Variants in ANK3 observed in about 807,000 individuals in gnomAD.
ANK3 encodes the protein ankyrin 3, also known as ankyrin-3.
ANK3 carries 57 observed loss-of-function variants against 370.9 expected under a neutral mutation model. That is an observed-to-expected ratio of 0.15 (90% CI 0.12 to 0.19). The LOEUF is 0.19. Ranked by LOEUF, ANK3 falls within the 10% of genes least tolerant of loss-of-function variation. The pLI is 1.00. For missense variants in ANK3, 4,439 were observed against 5,302.1 expected (o/e 0.84, Z 5.06); for synonymous variants, 1,929 against 1,946.3 (o/e 0.99, Z 0.23).
intron 2 of ANK3, among the ~76,000 whole-genome samples, chr10:60,432,058 T>A (rs1381727727): frequency 6.6e-6 from 1 of 152,210 alleles, no homozygotes; most frequent in Non-Finnish European, 1.5e-5. Flanking sequence ...TAAACATTAT[T>A]CTGATGGCTG....
intron 1 of ANK3, among the ~76,000 whole-genome samples, chr10:60,353,646 C>T (rs1045169535): frequency 1.3e-5 from 2 of 152,172 alleles, no homozygotes; most frequent in South Asian, 2.1e-4. Flanking sequence ...AGATAACAGG[C>T]GCCATCTCTC....
At chr10:60,174,034 G>A (rs2095860851) in intron 18 of ANK3, among the ~76,000 whole-genome samples, 1 of 152,146 alleles carries the variant, frequency 6.6e-6, no homozygotes, top group African/African-American at 2.4e-5. Flanking sequence ...CTCTGAAAGG[G>A]AGAACATTGA....
chr10:60,342,879 C>T (rs1190100688), intron 1 of ANK3, among the ~76,000 whole-genome samples: 1 of 152,218 alleles, frequency 6.6e-6, no homozygotes, highest in Non-Finnish European at 1.5e-5. Context: ...ACCAATCCCT[C>T]TCTTGAAGAT....
intron 42 of ANK3, among the ~76,000 whole-genome samples, chr10:60,046,201 A>T (rs566960734): frequency 1.6e-4 from 25 of 152,288 alleles, no homozygotes; most frequent in Non-Finnish European, 3.1e-4. Context: ...TGTTATTTGT[A>T]TTTTCTATGG....
rs558730852 is a variant in ANK3 at position 60,660,225 on chromosome 10, T to C, written c.58-45001A>G. 3.3e-5 allele frequency among the ~76,000 whole-genome samples: 5 copies of C among 152,270 alleles called. No homozygotes were observed. The East Asian group carries it at 7.7e-4, about 23-fold the overall frequency. On this transcript the variant is annotated intron_variant, in intron 1 of 43. Transcript: ENST00000373827. ...CCTATTCACTGAAGCTCCTACCACATGCAGGCACTAAAATATTTCTTGAAT... is the reference window on the plus strand; with the variant it reads ...CCTATTCACTGAAGCTCCTACCACACGCAGGCACTAAAATATTTCTTGAAT...
At chr10:60,702,578 T>G (rs189890201) in intron 1 of ANK3, among the ~76,000 whole-genome samples, 16 of 152,272 alleles carry the variant, frequency 1.1e-4, no homozygotes, top group Admixed American at 9.8e-4. Context: ...AGATGTAAGA[T>G]AGAAGACTAG....
intron 1 of ANK3, among the ~76,000 whole-genome samples, chr10:60,651,087 C>G (rs1342675598): frequency 2.0e-5 from 3 of 151,974 alleles, no homozygotes; most frequent in Non-Finnish European, 4.4e-5. Flanking sequence ...CAAAGCAAAT[C>G]TAAAACAATA....
intron 27 of ANK3, chr10:60,108,326 G>A (rs2092399804): frequency 7.0e-6 from 2 of 284,688 alleles, no homozygotes; most frequent in Non-Finnish European, 1.4e-5. Context: ...AACGAGAAGG[G>A]GAAATTGTGA....
At chr10:60,077,057 T>A (rs1164963412) in intron 36 of ANK3, among the ~76,000 whole-genome samples, 1 of 152,226 alleles carries the variant, frequency 6.6e-6, no homozygotes, top group Non-Finnish European at 1.5e-5. Context: ...CCAAAATAAC[T>A]TTTAAGTGAC....
intron 10 of ANK3, among the ~76,000 whole-genome samples, chr10:60,206,890 C>T (rs567097856): frequency 1.3e-5 from 2 of 152,168 alleles, no homozygotes; most frequent in Non-Finnish European, 2.9e-5. Context: ...GTGCTTTCAC[C>T]GAGGCTTCTC....
intron 2 of ANK3, among the ~76,000 whole-genome samples, 183 bp from the exon 3 acceptor site, chr10:60,279,331 A>G (rs1404828380): frequency 2.0e-5 from 3 of 152,214 alleles, no homozygotes; most frequent in African/African-American, 4.8e-5. Flanking sequence ...TTGTTCTGTT[A>G]TCATTATTTA....
intron 1 of ANK3, among the ~76,000 whole-genome samples, chr10:60,705,907 C>G (rs575505021): frequency 2.0e-5 from 3 of 149,986 alleles, no homozygotes; most frequent in Non-Finnish European, 3.0e-5. Context: ...ACTGCACCCT[C>G]GACCACCCAG....
At chr10:60,408,148 T>C (rs996580784) in intron 2 of ANK3, among the ~76,000 whole-genome samples, 3 of 152,252 alleles carry the variant, frequency 2.0e-5, no homozygotes, top group Non-Finnish European at 2.9e-5. Flanking sequence ...GAAACACTCT[T>C]ACCATTTTGA....
chr10:60,172,893 C>G lies in ANK3; in HGVS notation c.2382+7G>C. Reference sequence around the variant, plus strand: ...CCTCTTCTCCTGAGCTGGCCCTGAGCGCTTACCACAGTGAGTTCATTGGGG... The same window carrying G: ...CCTCTTCTCCTGAGCTGGCCCTGAGGGCTTACCACAGTGAGTTCATTGGGG... On this transcript the variant is annotated splice_region_variant and intron_variant, in intron 20 of 43. Transcript: ENST00000280772. The G allele has an allele frequency of 6.2e-7, 1 of 1,605,186 alleles. No homozygotes were observed. Among genetic ancestry groups the G allele is most frequent in the South Asian group, 1.1e-5 (1 of 90,702 alleles).
At position 60,075,835 on chromosome 10, in the gene ANK3, A is replaced by T. The variant is rs1004084891; in HGVS notation, c.5046T>A (p.Val1682=). 3 of 1,614,176 alleles carry T rather than the reference A, an allele frequency of 1.9e-6. No homozygotes were observed. The highest frequency in any genetic ancestry group is 2.5e-6 in the Non-Finnish European group (3 of 1,180,006). Reference sequence around the variant, plus strand: ...ATGAAATGACATCAACTGCTGATTTAACTGGAGACACCACTGACTTTAAAG... The same window carrying T: ...ATGAAATGACATCAACTGCTGATTTTACTGGAGACACCACTGACTTTAAAG... The part of the protein sequence containing the change: ...SSPLKSVVSP[V]KSAVDVISSA... Residue 1682 remains valine, a synonymous_variant, in exon 37 of 44, where the codon GTT becomes GTA. Coordinates refer to ENST00000280772, the MANE Select transcript of ANK3 (RefSeq NM_020987.5).
chr10:60,584,361 G>T (rs536926845), intron 2 of ANK3, among the ~76,000 whole-genome samples: 164 of 152,300 alleles, frequency 1.1e-3, no homozygotes, highest in African/African-American at 3.7e-3. Flanking sequence ...GCTCATGCCT[G>T]TAATTCCAGC....
intron 18 of ANK3, among the ~76,000 whole-genome samples, chr10:60,176,112 C>G (rs1380455637): frequency 6.7e-6 from 1 of 149,702 alleles, no homozygotes; most frequent in African/African-American, 2.5e-5. Context: ...GCGGGCAGAT[C>G]ACTTGAGGCC....
At chr10:60,409,468 T>G (rs2063516774) in intron 2 of ANK3, among the ~76,000 whole-genome samples, 1 of 152,210 alleles carries the variant, frequency 6.6e-6, no homozygotes, top group Non-Finnish European at 1.5e-5. Flanking sequence ...AAAAGATGTA[T>G]ACATAAAGAA....
intron 2 of ANK3, among the ~76,000 whole-genome samples, chr10:60,419,843 C>A (rs943671497): frequency 6.6e-6 from 1 of 152,140 alleles, no homozygotes; most frequent in African/African-American, 2.4e-5. Context: ...CAGTATTCAT[C>A]TGTGGTAGTC....
Sources: allele counts gnomAD v4.1 joint callset (sites outside exome capture counted in the v4.1 genomes callset), GRCh38; gene constraint gnomAD v4.1.1; transcripts MANE v1.5; gene names NCBI Gene and HGNC (gene_info 2026-07-23, HGNC 2026-07-21).